The following IGF1R variants were observed in gnomAD, a reference collection of about 807,000 sequenced individuals.
IGF1R encodes insulin-like growth factor 1 receptor.
Under a neutral mutation model 144.6 loss-of-function variants are expected in IGF1R, and 44 were observed. The observed-to-expected ratio is 0.30, with a 90% confidence interval of 0.24 to 0.39. IGF1R has a LOEUF of 0.39. Among genes scored for constraint, IGF1R ranks in the 10% least tolerant of loss-of-function variants. The pLI, the probability that IGF1R is intolerant of heterozygous loss-of-function variation, is 1.00. For synonymous variants in IGF1R, 795 were observed against 722.8 expected (o/e 1.10, Z -1.60); for missense variants, 1,355 against 1,833.7 (o/e 0.74, Z 4.77).
chr15:98,749,573 T>C (rs2054954401), intron 2 of IGF1R, among the ~76,000 whole-genome samples: 1 of 152,252 alleles, frequency 6.6e-6, no homozygotes, highest in Non-Finnish European at 1.5e-5. Context: ...TCACTTGTTA[T>C]TTAATAATGA....
intron 2 of IGF1R, among the ~76,000 whole-genome samples, chr15:98,812,415 G>A (rs561035090): frequency 3.3e-5 from 5 of 150,982 alleles, no homozygotes; most frequent in African/African-American, 1.2e-4. Context: ...AGAGTACAAT[G>A]GTGCGATCTC....
At chr15:98,925,671 G>A (rs1265743479) in intron 13 of IGF1R, among the ~76,000 whole-genome samples, 1 of 152,244 alleles carries the variant, frequency 6.6e-6, no homozygotes, top group African/African-American at 2.4e-5. Flanking sequence ...GGGAGGCCAA[G>A]GTGGGTGGAT....
intron 2 of IGF1R, among the ~76,000 whole-genome samples, chr15:98,858,594 T>A (rs995106952): frequency 1.3e-5 from 2 of 152,182 alleles, no homozygotes; most frequent in African/African-American, 4.8e-5. Context: ...TCTCAGCCAT[T>A]TAATCGAGAT....
chr15:98,940,786 A>C (rs921294327), intron 18 of IGF1R, among the ~76,000 whole-genome samples: 6 of 152,236 alleles, frequency 3.9e-5, no homozygotes, highest in African/African-American at 1.4e-4. Context: ...ACCATATCCC[A>C]GAGCCCACAT....
chr15:98,805,116 A>G (rs1468477147), intron 2 of IGF1R, among the ~76,000 whole-genome samples: 1 of 152,208 alleles, frequency 6.6e-6, no homozygotes, highest in Non-Finnish European at 1.5e-5. Context: ...GAGTGGTTTT[A>G]TATTTAAGGT....
chr15:98,928,965 C>A (rs1171900516), intron 13 of IGF1R, among the ~76,000 whole-genome samples: 1 of 152,020 alleles, frequency 6.6e-6, no homozygotes, highest in Non-Finnish European at 1.5e-5. Context: ...AAGATTGAGG[C>A]CAGCAGGACT....
chr15:98,916,988 G>A (rs770714128), intron 10 of IGF1R, 112 bp downstream of exon 10: 4 of 894,808 alleles, frequency 4.5e-6, no homozygotes, highest in Non-Finnish European at 7.3e-6. Context: ...GTACAATACA[G>A]TAGCCACTGA....
intron 2 of IGF1R, among the ~76,000 whole-genome samples, chr15:98,845,588 TTCTC>T (rs370835365): frequency 1.4e-5 from 2 of 146,792 alleles, no homozygotes; most frequent in African/African-American, 5.0e-5. Context: ...TCTCTCTTCT[TTCTC>T]TCTTCTCTCT....
At chr15:98,914,138 C>T (rs2015138327) in intron 8 of IGF1R, among the ~76,000 whole-genome samples, 1 of 152,292 alleles carries the variant, frequency 6.6e-6, no homozygotes, top group Non-Finnish European at 1.5e-5. Context: ...CGGGAGCACT[C>T]TCCGGGGCCT....
At chr15:98,880,473 T>C (rs1351059294) in intron 2 of IGF1R, among the ~76,000 whole-genome samples, 1 of 152,226 alleles carries the variant, frequency 6.6e-6, no homozygotes, top group Non-Finnish European at 1.5e-5. Flanking sequence ...ATTATTTCTT[T>C]TGCTCATTAA....
At chr15:98,692,422 A>G (rs1257878949) in intron 1 of IGF1R, among the ~76,000 whole-genome samples, 1 of 152,178 alleles carries the variant, frequency 6.6e-6, no homozygotes, top group Non-Finnish European at 1.5e-5. Flanking sequence ...AGTTTACTGT[A>G]GCCTTGAACT....
intron 2 of IGF1R, among the ~76,000 whole-genome samples, chr15:98,806,960 A>G (rs1002789742): frequency 2.6e-5 from 4 of 152,198 alleles, no homozygotes; most frequent in African/African-American, 9.6e-5. Flanking sequence ...CAGGAGTTCA[A>G]GACCAACCTG....
intron 2 of IGF1R, among the ~76,000 whole-genome samples, chr15:98,713,483 A>G (rs544221692): frequency 3.3e-5 from 5 of 152,308 alleles, no homozygotes; most frequent in East Asian, 1.9e-4. Context: ...GAGGACCACT[A>G]TGGCGGGTAG....
intron 3 of IGF1R, among the ~76,000 whole-genome samples, chr15:98,892,010 G>A: frequency 6.6e-6 from 1 of 152,178 alleles, no homozygotes; most frequent in East Asian, 1.9e-4. Flanking sequence ...TGCTAGCCAG[G>A]TGAGGCTTTG....
At chr15:98,888,957 T>G (rs1282842402) in intron 2 of IGF1R, among the ~76,000 whole-genome samples, 3 of 152,180 alleles carry the variant, frequency 2.0e-5, no homozygotes, top group Non-Finnish European at 4.4e-5. Flanking sequence ...CTCCAAGCAT[T>G]ACTACTGCAT....
At chr15:98,916,989 TA>T in intron 10 of IGF1R, 113 bp downstream of exon 10, 1 of 887,688 alleles carries the variant, frequency 1.1e-6, no homozygotes, top group Non-Finnish European at 1.9e-6. Flanking sequence ...TACAATACAG[TA>T]GCCACTGAGA....
intron 2 of IGF1R, among the ~76,000 whole-genome samples, chr15:98,872,768 C>T (rs1051758912): frequency 2.0e-5 from 3 of 152,104 alleles, no homozygotes; most frequent in African/African-American, 7.2e-5. Context: ...CTGCCATCCC[C>T]ATGCTCTGCC....
rs149753068 is a variant in IGF1R, at chr15:98,853,933, A to G, written c.641-37392A>G. 2.4e-3 allele frequency among the ~76,000 whole-genome samples: 361 copies of G among 152,274 alleles called. 15 individuals carry two copies. The East Asian group carries it at 0.044, about 18-fold the overall frequency. The stretch of plus-strand genomic sequence containing the variant: ...TAAATCCCAGGAAAAGTCCTGCCTC[A>G]AGTTAGGCACAACATCTGACTTGGA... On this transcript the variant is annotated intron_variant, in intron 2 of 20. Transcript: ENST00000650285.
intron 2 of IGF1R, among the ~76,000 whole-genome samples, chr15:98,837,585 G>A (rs915677334): frequency 6.6e-6 from 1 of 151,864 alleles, no homozygotes; most frequent in African/African-American, 2.4e-5. Flanking sequence ...GTCTGGTCTC[G>A]AACTCCTGGC....
Sources: allele counts gnomAD v4.1 joint callset (sites outside exome capture counted in the v4.1 genomes callset), GRCh38; gene constraint gnomAD v4.1.1; transcripts MANE v1.5; gene names NCBI Gene and HGNC (gene_info 2026-07-23, HGNC 2026-07-21).